The following KCTD8 variants were observed in gnomAD, a reference collection of about 807,000 sequenced individuals.
The protein encoded by KCTD8 is BTB/POZ domain-containing protein KCTD8.
Under a neutral mutation model 31.5 loss-of-function variants are expected in KCTD8, and 27 were observed. That is an observed-to-expected ratio of 0.86 (90% confidence interval 0.63 to 1.18). The LOEUF is 1.18. Among genes scored for constraint, KCTD8 ranks in the 50% most tolerant of loss-of-function variants. KCTD8 has a pLI of 0.00. For missense variants in KCTD8, 658 were observed against 647.7 expected (o/e 1.02, Z -0.17); for synonymous variants, 290 against 280.0 (o/e 1.04, Z -0.36).
chr4:44,265,857 G>T (rs1052504468), intron 1 of KCTD8, among the ~76,000 whole-genome samples: 3 of 152,170 alleles, frequency 2.0e-5, no homozygotes, highest in Non-Finnish European at 4.4e-5. Flanking sequence ...AGAATAAAAA[G>T]AAATGAACAA....
intron 1 of KCTD8, among the ~76,000 whole-genome samples, chr4:44,205,436 T>C (rs1560394249): frequency 6.6e-6 from 1 of 152,240 alleles, no homozygotes; most frequent in Non-Finnish European, 1.5e-5. Context: ...AACATATTTA[T>C]ATTTCTACCT....
chr4:44,393,482 A>G (rs1720421086), intron 1 of KCTD8, among the ~76,000 whole-genome samples: 1 of 151,686 alleles, frequency 6.6e-6, no homozygotes, highest in Admixed American at 6.6e-5. Context: ...TGGTAAATGT[A>G]TTATATTTCC....
Position 44,328,324 on chromosome 4 carries a change from T to A in KCTD8, c.961+119239A>T, listed in dbSNP as rs547925953. Among the ~76,000 whole-genome samples, 5 of 152,062 alleles carry A rather than the reference T, an allele frequency of 3.3e-5. No homozygotes were observed. The East Asian group carries it at 5.8e-4, about 18-fold the overall frequency. On this transcript the variant is annotated intron_variant, in intron 1 of 1. Transcript: ENST00000360029. The stretch of plus-strand genomic sequence containing the variant: ...ATGGGTAACCATGTCGTAATTGACT[T>A]ACTATATTTTTAAAGGATCTCTCCT...
chr4:44,251,473 T>G (rs1321389076), intron 1 of KCTD8, among the ~76,000 whole-genome samples: 1 of 151,702 alleles, frequency 6.6e-6, no homozygotes, highest in Non-Finnish European at 1.5e-5. Flanking sequence ...TCAACTTATT[T>G]GTGTCTTTTC....
intron 1 of KCTD8, among the ~76,000 whole-genome samples, chr4:44,264,228 T>C (rs952961736): frequency 6.6e-6 from 1 of 152,208 alleles, no homozygotes; most frequent in Non-Finnish European, 1.5e-5. Context: ...AAGTTCAAAA[T>C]TGAAACTTTG....
At position 44,325,471 on chromosome 4, in the gene KCTD8, T is replaced by C. The variant is rs1353720207; in HGVS notation, c.961+122092A>G. On this transcript the variant is annotated intron_variant, in intron 1 of 1. Coordinates refer to ENST00000360029, the MANE Select transcript of KCTD8 (RefSeq NM_198353.3). The stretch of plus-strand genomic sequence containing the variant: ...TGATAAATTACTTTAAATAGGCATA[T>C]GAAATTTTAAAATTAAGCGTGTAAC... 5.3e-5 allele frequency among the ~76,000 whole-genome samples: 8 copies of C among 151,848 alleles called. No homozygotes were observed. In the East Asian group the frequency reaches 9.6e-4, roughly 18 times the overall value.
At chr4:44,209,983 G>A (rs538264784) in intron 1 of KCTD8, among the ~76,000 whole-genome samples, 2 of 152,206 alleles carry the variant, frequency 1.3e-5, no homozygotes, top group East Asian at 1.9e-4. Context: ...AGTTGAAAGC[G>A]GCTGTTGAGT....
chr4:44,271,116 G>A (rs1183786220), intron 1 of KCTD8, among the ~76,000 whole-genome samples: 2 of 152,004 alleles, frequency 1.3e-5, no homozygotes, highest in Non-Finnish European at 2.9e-5. Context: ...ATGAGGAAAG[G>A]ATAACCATTA....
intron 1 of KCTD8, among the ~76,000 whole-genome samples, chr4:44,258,439 T>C (rs1446936649): frequency 6.6e-6 from 1 of 151,968 alleles, no homozygotes; most frequent in Non-Finnish European, 1.5e-5. Flanking sequence ...GTTTAACTAA[T>C]TCATGTATCT....
chr4:44,218,402 G>A (rs1170464860), intron 1 of KCTD8, among the ~76,000 whole-genome samples: 1 of 151,396 alleles, frequency 6.6e-6, no homozygotes, highest in African/African-American at 2.4e-5. Flanking sequence ...CCAAAGTGGT[G>A]GGAGTACAGG....
chr4:44,362,129 C>G (rs141288967), intron 1 of KCTD8, among the ~76,000 whole-genome samples: 1 of 152,158 alleles, frequency 6.6e-6, no homozygotes, highest in East Asian at 1.9e-4. Flanking sequence ...CGTACAGAAA[C>G]AGAAAAGCCA....
intron 1 of KCTD8, among the ~76,000 whole-genome samples, chr4:44,235,452 T>C (rs892124406): frequency 1.5e-4 from 21 of 144,268 alleles, no homozygotes; most frequent in African/African-American, 5.0e-5. Flanking sequence ...TATCTGTATA[T>C]ATACAGATAG....
chr4:44,389,495 A>G lies in KCTD8; in HGVS notation c.961+58068T>C, dbSNP rs186205778. Among the ~76,000 whole-genome samples the G allele has an allele frequency of 4.4e-3, 673 of 151,896 alleles. 3 individuals carry two copies. Among genetic ancestry groups the G allele is most frequent in the Non-Finnish European group, 7.5e-3 (508 of 67,832 alleles). On this transcript the variant is annotated intron_variant, in intron 1 of 1. Transcript: ENST00000360029. The stretch of plus-strand genomic sequence containing the variant: ...ATAATTTAGTCACAGAAAGATAAAT[A>G]CTGTATGATTCCATATGATTCCATT...
At chr4:44,324,916 T>G (rs115715163) in intron 1 of KCTD8, among the ~76,000 whole-genome samples, 1 of 152,066 alleles carries the variant, frequency 6.6e-6, no homozygotes, top group Non-Finnish European at 1.5e-5. Flanking sequence ...TGTGATTTTA[T>G]GTAACTGTCT....
chr4:44,330,434 T>G (rs1439899767), intron 1 of KCTD8, among the ~76,000 whole-genome samples: 1 of 151,958 alleles, frequency 6.6e-6, no homozygotes, highest in Non-Finnish European at 1.5e-5. Context: ...GGAATTAGTT[T>G]CATATACCAT....
At chr4:44,392,114 T>G (rs1720389676) in intron 1 of KCTD8, among the ~76,000 whole-genome samples, 1 of 151,934 alleles carries the variant, frequency 6.6e-6, no homozygotes, top group South Asian at 2.1e-4. Context: ...TCTTCAAACC[T>G]CACAGATCTT....
In KCTD8 at chr4:44,187,958, A is replaced by AACAC. The variant is rs143071896; in HGVS notation, c.962-12712_962-12709dup. Among the ~76,000 whole-genome samples the AACAC allele has an allele frequency of 5.6e-3, 816 of 144,642 alleles. 3 individuals are homozygous for AACAC. The highest frequency in any genetic ancestry group is 0.014 in the Middle Eastern group (4 of 290). The allele number at this position is 144,642 out of a possible 152,430, so 94.9% of individuals were successfully genotyped here. On this transcript the variant is annotated intron_variant, in intron 1 of 1. Transcript: ENST00000360029. ...GGAAGCAGAGGTTGTGGAAGAGGTA[A>AACAC]ACACACACACACACACACACACACA...
intron 1 of KCTD8, among the ~76,000 whole-genome samples, chr4:44,336,665 G>C (rs1718754395): frequency 6.6e-6 from 1 of 151,962 alleles, no homozygotes. Context: ...AAATGTCCGG[G>C]AAGATAATGA....
chr4:44,446,908 A>G (rs1238104159), intron 1 of KCTD8, among the ~76,000 whole-genome samples: 3 of 152,166 alleles, frequency 2.0e-5, no homozygotes, highest in African/African-American at 4.8e-5. Flanking sequence ...GACTGGAGAT[A>G]ACAGACGCAG....
Sources: allele counts gnomAD v4.1 joint callset (sites outside exome capture counted in the v4.1 genomes callset), GRCh38; gene constraint gnomAD v4.1.1; transcripts MANE v1.5; gene names NCBI Gene and HGNC (gene_info 2026-07-23, HGNC 2026-07-21).